C4orf51: variants seen among roughly 807,000 people sequenced by gnomAD.
C4orf51 encodes uncharacterized protein C4orf51.
In C4orf51, 25 loss-of-function variants were observed where a neutral mutation model predicts 25.2. The observed-to-expected ratio is 0.99, with a 90% CI of 0.72 to 1.39. C4orf51 has a LOEUF of 1.39. C4orf51 is among the 40% of genes most tolerant of loss of function. C4orf51 has a pLI of 0.00. For missense variants in C4orf51, 252 were observed against 239.6 expected (o/e 1.05, Z -0.34); for synonymous variants, 100 against 84.5 (o/e 1.18, Z -1.01).
intron 2 of C4orf51, among the ~76,000 whole-genome samples, chr4:145,713,811 C>G (rs988237482): frequency 6.6e-6 from 1 of 151,872 alleles, no homozygotes; most frequent in East Asian, 1.9e-4. Context: ...GAGATGGAGT[C>G]TCACTCTGTT....
chr4:145,683,033 C>T (rs1242406345), intron 1 of C4orf51, among the ~76,000 whole-genome samples: 1 of 151,810 alleles, frequency 6.6e-6, no homozygotes. Context: ...AATCCCGGAA[C>T]TAATAAGCTA....
At chr4:145,757,096 CTT>C (rs200250435), downstream of C4orf51, among the ~76,000 whole-genome samples, 272 of 152,306 alleles carry the variant, frequency 1.8e-3, no homozygotes, top group African/African-American at 6.3e-3. Flanking sequence ...TTTTTCATTT[CTT>C]TCTCTCTCTG....
chr4:145,732,144 C>A (rs913245102), intron 5 of C4orf51, among the ~76,000 whole-genome samples: 1 of 152,148 alleles, frequency 6.6e-6, no homozygotes, highest in African/African-American at 2.4e-5. Context: ...GCATTCACAT[C>A]CAGGAATGTG....
chr4:145,705,625 G>A (rs1474322461), intron 2 of C4orf51, among the ~76,000 whole-genome samples: 1 of 152,136 alleles, frequency 6.6e-6, no homozygotes, highest in African/African-American at 2.4e-5. Context: ...ATGAGTTGGT[G>A]AAAGCCGTAT....
In C4orf51 at chr4:145,742,578, C is replaced by T. The variant is rs921191475; in HGVS notation, n.167+9959C>T. Reference sequence around the variant, plus strand: ...TTTTTGAGACAGAGTCTTGCTCTGTCGCCCAGGCTGGAGTGCAGTGGCACG... The same window carrying T: ...TTTTTGAGACAGAGTCTTGCTCTGTTGCCCAGGCTGGAGTGCAGTGGCACG... On this transcript the variant is annotated intron_variant and non_coding_transcript_variant, in intron 1 of 1. Coordinates refer to the C4orf51 transcript ENST00000508981. 5.4e-5 allele frequency among the ~76,000 whole-genome samples: 7 copies of T among 130,794 alleles called. No homozygotes were observed. In the East Asian group the frequency reaches 6.4e-4, roughly 12 times the overall value. 85.8% of individuals were successfully genotyped at this position (130,794 alleles called of 152,430 possible). A position where few individuals can be genotyped will look rare whatever the true frequency, so the allele number is the denominator to read the frequency against.
intron 1 of C4orf51, among the ~76,000 whole-genome samples, chr4:145,685,569 C>T (rs1729102397): frequency 6.6e-6 from 1 of 152,134 alleles, no homozygotes; most frequent in Non-Finnish European, 1.5e-5. Context: ...GCTGCATGCA[C>T]TGGTAATTAG....
the C4orf51 span, among the ~76,000 whole-genome samples, chr4:145,776,510 C>T: frequency 6.6e-6 from 1 of 151,544 alleles, no homozygotes; most frequent in Non-Finnish European, 1.5e-5. Flanking sequence ...AATAGATAAC[C>T]TGCTTTTTTT....
chr4:145,680,287 C>A lies in C4orf51; in HGVS notation c.84C>A (p.Arg28=), dbSNP rs768212470. 2 of 1,613,976 alleles carry A rather than the reference C, an allele frequency of 1.2e-6. No homozygotes were observed. Among genetic ancestry groups the A allele is most frequent in the Non-Finnish European group, 1.7e-6 (2 of 1,179,856 alleles). ...CTCAAGAGTTTGATCTGATCAGACGCAAGGCTGGAGCATCTTGGCAGGATG... is the reference window on the plus strand; with the variant it reads ...CTCAAGAGTTTGATCTGATCAGACGAAAGGCTGGAGCATCTTGGCAGGATG... ...LTSQEFDLIR[R]KAGASWQDET... is the part of the protein sequence containing the mutation. Residue 28 remains arginine (R), a synonymous_variant, in exon 1 of 6, where the codon CGC becomes CGA. Coordinates refer to ENST00000438731, the MANE Select transcript of C4orf51 (RefSeq NM_001080531.3).
In C4orf51 at chr4:145,762,993, T is replaced by C. The variant is rs1162213557; in HGVS notation, n.167-7995T>C. On this transcript the variant is annotated intron_variant and non_coding_transcript_variant, in intron 1 of 1. Transcript: ENST00000510096. The surrounding 1 kb of genome is among the most constrained non-coding windows in gnomAD (Gnocchi z 4.9). ...TCAGCGCCAAGCTCGCCGTTAGCCT[T>C]TGAACCTCAGCTCACAGAAGAGTGC... The C allele has an allele frequency of 8.0e-7, 1 of 1,250,258 alleles. No homozygotes were observed. The highest frequency in any genetic ancestry group is 2.3e-5 in the Admixed American group (1 of 43,772). The allele number at this position is 1,250,258 out of a possible 1,614,324, so 77.4% of individuals were successfully genotyped here. A position where few individuals can be genotyped will look rare whatever the true frequency, so the allele number is the denominator to read the frequency against.
At chr4:145,685,404 G>T (rs1051003473) in intron 1 of C4orf51, among the ~76,000 whole-genome samples, 3 of 152,292 alleles carry the variant, frequency 2.0e-5, no homozygotes, top group Non-Finnish European at 4.4e-5. Context: ...GAAGGAAGGG[G>T]TTTATTCGGC....
intron 1 of C4orf51, among the ~76,000 whole-genome samples, chr4:145,749,577 T>C (rs1287578042): frequency 6.6e-6 from 1 of 151,636 alleles, no homozygotes; most frequent in African/African-American, 2.4e-5. Context: ...GTATCTGTTA[T>C]ATGTTTTTTG....
chr4:145,683,337 G>A (rs1271459015), intron 1 of C4orf51, among the ~76,000 whole-genome samples: 1 of 152,158 alleles, frequency 6.6e-6, no homozygotes, highest in East Asian at 1.9e-4. Flanking sequence ...TCCCAAATTT[G>A]TCTATAGATT....
At chr4:145,714,597 A>G (rs1731301708) in intron 2 of C4orf51, among the ~76,000 whole-genome samples, 1 of 152,168 alleles carries the variant, frequency 6.6e-6, no homozygotes, top group African/African-American at 2.4e-5. Flanking sequence ...TTCGTGGCTC[A>G]CTGTGCTTTT....
At chr4:145,696,886 T>C (rs1730098247) in intron 2 of C4orf51, among the ~76,000 whole-genome samples, 1 of 151,638 alleles carries the variant, frequency 6.6e-6, no homozygotes, top group South Asian at 2.1e-4. Context: ...ACAAAAACAA[T>C]ATTAGCTGGG....
chr4:145,690,460 C>A (rs1056979080), intron 1 of C4orf51, among the ~76,000 whole-genome samples: 4 of 151,926 alleles, frequency 2.6e-5, no homozygotes, highest in Non-Finnish European at 4.4e-5. Flanking sequence ...AGCGAGATGG[C>A]GCCACTGCAC....
intron 2 of C4orf51, among the ~76,000 whole-genome samples, chr4:145,703,558 C>T (rs879722093): frequency 2.6e-5 from 4 of 152,164 alleles, no homozygotes; most frequent in African/African-American, 4.8e-5. Context: ...TGTCAGTTTT[C>T]TTTTCACTTC....
downstream of C4orf51, among the ~76,000 whole-genome samples, chr4:145,756,062 T>C (rs556008631): frequency 5.8e-4 from 88 of 152,216 alleles, no homozygotes; most frequent in Non-Finnish European, 1.1e-3. Context: ...AGGTGACTAA[T>C]GAGATGTGTC....
chr4:145,724,856 C>T (rs1456751638), intron 2 of C4orf51, among the ~76,000 whole-genome samples: 1 of 129,848 alleles, frequency 7.7e-6, no homozygotes, highest in Non-Finnish European at 1.5e-5. Flanking sequence ...GCACTCCAGC[C>T]TGGGTGGCAG....
At chr4:145,774,698 G>A, downstream of C4orf51, 2 of 1,606,340 alleles carry the variant, frequency 1.2e-6, no homozygotes, top group Non-Finnish European at 1.7e-6. Context: ...AAAGAAAAGA[G>A]GGGGAGAGAA....
Sources: gnomAD v4.1 joint callset for allele counts (sites outside exome capture counted in the v4.1 genomes callset) on GRCh38, gnomAD v4.1.1 for gene constraint, Gnocchi (gnomAD v3.1) non-coding constraint, MANE v1.5 for transcripts, NCBI Gene and HGNC (gene_info 2026-07-23, HGNC 2026-07-21) for gene names.